Variants in SLC24A3 observed in about 807,000 individuals in gnomAD.
SLC24A3 encodes sodium/potassium/calcium exchanger 3.
SLC24A3 carries 28 observed loss-of-function variants against 75.8 expected under a neutral mutation model. The ratio of observed to expected loss-of-function variants is 0.37; its 90% CI spans 0.27 to 0.51. The LOEUF is 0.51. SLC24A3 is among the 20% of genes least tolerant of loss of function. The pLI is 0.94. For missense variants in SLC24A3, 663 were observed against 847.8 expected, an observed-to-expected ratio of 0.78 and a Z score of 2.71; for synonymous variants, 372 against 334.1, an observed-to-expected ratio of 1.11 and a Z score of -1.24.
At chr20:19,575,516 G>A (rs541757193) in intron 3 of SLC24A3, among the ~76,000 whole-genome samples, 1 of 152,294 alleles carries the variant, frequency 6.6e-6, no homozygotes, top group Admixed American at 6.5e-5. Context: ...CACTCAGAGG[G>A]TTCTAAAAAG....
chr20:19,214,612 C>T (rs1981503913), intron 1 of SLC24A3, among the ~76,000 whole-genome samples: 1 of 152,002 alleles, frequency 6.6e-6, no homozygotes. Flanking sequence ...AAGGATGTGA[C>T]TCATATAGTT....
intron 6 of SLC24A3, among the ~76,000 whole-genome samples, chr20:19,625,398 C>G (rs551453428): frequency 6.6e-6 from 1 of 152,282 alleles, no homozygotes; most frequent in Non-Finnish European, 1.5e-5. Flanking sequence ...GATGTATTTC[C>G]TTCCTCAGTT....
intron 9 of SLC24A3, among the ~76,000 whole-genome samples, chr20:19,679,375 C>G (rs2032579765): frequency 6.6e-6 from 1 of 152,268 alleles, no homozygotes; most frequent in African/African-American, 2.4e-5. Context: ...TGGCGGCACG[C>G]ACCTGCAATC....
intron 2 of SLC24A3, among the ~76,000 whole-genome samples, chr20:19,507,993 TG>T (rs1988484951): frequency 1.3e-5 from 2 of 152,190 alleles, no homozygotes; most frequent in South Asian, 4.1e-4. Context: ...ATGGTGCCAC[TG>T]AGTCCACGGT....
intron 3 of SLC24A3, among the ~76,000 whole-genome samples, chr20:19,558,571 C>G (rs1269653132): frequency 6.6e-6 from 1 of 152,150 alleles, no homozygotes; most frequent in Non-Finnish European, 1.5e-5. Flanking sequence ...ATGTCAGATC[C>G]TTGGTCTTTT....
intron 3 of SLC24A3, among the ~76,000 whole-genome samples, chr20:19,577,570 A>G (rs375443489): frequency 1.3e-5 from 2 of 152,224 alleles, no homozygotes; most frequent in Non-Finnish European, 2.9e-5. Context: ...ATATTACAAA[A>G]TATAGTTATG....
intron 2 of SLC24A3, among the ~76,000 whole-genome samples, chr20:19,467,805 T>C (rs8119142): frequency 0.068 from 10,269 of 150,416 alleles, 1,122 homozygotes; most frequent in African/African-American, 0.23. Context: ...AGCTTGAACC[T>C]GGGAGGTGGA....
intron 2 of SLC24A3, among the ~76,000 whole-genome samples, chr20:19,347,580 G>A (rs1480222604): frequency 6.6e-6 from 1 of 152,138 alleles, no homozygotes; most frequent in Non-Finnish European, 1.5e-5. Flanking sequence ...AAAAAATTAT[G>A]TAAATTGGAG....
chr20:19,362,240 G>A (rs1172380883), intron 2 of SLC24A3, among the ~76,000 whole-genome samples: 2 of 152,202 alleles, frequency 1.3e-5, no homozygotes, highest in African/African-American at 2.4e-5. Flanking sequence ...GTTAGTGGGT[G>A]ATCCCATCAG....
chr20:19,611,763 C>T (rs868182241), intron 6 of SLC24A3, among the ~76,000 whole-genome samples: 5 of 152,308 alleles, frequency 3.3e-5, no homozygotes, highest in South Asian at 2.1e-4. Flanking sequence ...CCACACCTAT[C>T]GGGCTGTGTC....
At chr20:19,261,505 A>ATT (rs201320795) in intron 1 of SLC24A3, among the ~76,000 whole-genome samples, 18 of 149,814 alleles carry the variant, frequency 1.2e-4, no homozygotes, top group Non-Finnish European at 2.2e-4. Context: ...ACATTCAGCT[A>ATT]TTTTTTTTTA....
intron 2 of SLC24A3, among the ~76,000 whole-genome samples, chr20:19,472,946 C>A (rs1013544085): frequency 2.0e-5 from 3 of 152,184 alleles, no homozygotes; most frequent in Non-Finnish European, 2.9e-5. Flanking sequence ...GGGAAGGGAA[C>A]AAGGGGTGTT....
chr20:19,222,561 T>C (rs558115213), intron 1 of SLC24A3, among the ~76,000 whole-genome samples: 2 of 152,204 alleles, frequency 1.3e-5, no homozygotes, highest in African/African-American at 4.8e-5. Flanking sequence ...TAGTTACTTC[T>C]GAGAATCCGA....
intron 2 of SLC24A3, among the ~76,000 whole-genome samples, chr20:19,362,330 G>A: frequency 6.6e-6 from 1 of 152,214 alleles, no homozygotes; most frequent in South Asian, 2.1e-4. Context: ...GGGTTTTTGA[G>A]CTAGAGCTGC....
Position 19,493,930 on chromosome 20 carries a change from G to A in SLC24A3, c.272-21558G>A, listed in dbSNP as rs570129234. ...GGTTTGGAGGGAAATGCTCTCTCTC[G>A]GGTGTCTTGCTGGACACTGTATCTC... On this transcript the variant is annotated intron_variant, in intron 2 of 16. Transcript: ENST00000328041. Among the ~76,000 whole-genome samples the A allele has an allele frequency of 6.6e-5, 10 of 152,274 alleles. No individual in the cohort carries two copies. The South Asian group carries it at 1.2e-3, about 19-fold the overall frequency.
intron 9 of SLC24A3, among the ~76,000 whole-genome samples, chr20:19,680,902 G>A (rs189647059): frequency 3.3e-5 from 5 of 152,308 alleles, no homozygotes; most frequent in Non-Finnish European, 5.9e-5. Context: ...GGCAACTTAC[G>A]GTCACCATGC....
chr20:19,359,473 G>A lies in SLC24A3; in HGVS notation c.271+78386G>A, dbSNP rs576996256. Among the ~76,000 whole-genome samples, 11 of 152,300 alleles carry A rather than the reference G, an allele frequency of 7.2e-5. No homozygotes were observed. In the South Asian group the frequency reaches 2.3e-3, roughly 32 times the overall value. On this transcript the variant is annotated intron_variant, in intron 2 of 16. Coordinates refer to ENST00000328041, the MANE Select transcript of SLC24A3 (RefSeq NM_020689.4). ...CACCCATGTCATCTGGGTGCAGAGG[G>A]TGAGAAGCAGCCCTTCCAGGTCCCT...
chr20:19,491,879 T>C (rs1185956172), intron 2 of SLC24A3, among the ~76,000 whole-genome samples: 1 of 152,136 alleles, frequency 6.6e-6, no homozygotes, highest in Non-Finnish European at 1.5e-5. Context: ...GCAAGGGCGC[T>C]GGGCTTGCAA....
chr20:19,280,480 G>A lies in SLC24A3; in HGVS notation c.143-479G>A, dbSNP rs181577478. On this transcript the variant is annotated intron_variant, in intron 1 of 16. Coordinates refer to ENST00000328041, the MANE Select transcript of SLC24A3 (RefSeq NM_020689.4). ...GCTGGAGCCAGCTCTTATTGACTCA[G>A]TGGAGCTGATTGTGTCCATCTCTTC... Among the ~76,000 whole-genome samples, 399 of 152,304 alleles carry A rather than the reference G, an allele frequency of 2.6e-3. 3 individuals carry two copies. The highest frequency in any genetic ancestry group is 9.2e-3 in the African/African-American group (383 of 41,554).
Sources: gnomAD v4.1 joint callset for allele counts (sites outside exome capture counted in the v4.1 genomes callset) on GRCh38, gnomAD v4.1.1 for gene constraint, MANE v1.5 for transcripts, NCBI Gene and HGNC (gene_info 2026-07-23, HGNC 2026-07-21) for gene names.